TTC17: variants seen among roughly 807,000 people sequenced by gnomAD.
The protein encoded by TTC17 is tetratricopeptide repeat protein 17.
A neutral mutation model predicts 143.8 loss-of-function variants in TTC17; 58 were observed. The observed-to-expected ratio is 0.40, with a 90% confidence interval of 0.33 to 0.50. The LOEUF is 0.50. TTC17 is among the 20% of genes least tolerant of loss of function. The pLI is 0.49. For missense variants in TTC17, 1,273 were observed against 1,392.5 expected, an observed-to-expected ratio of 0.91 and a Z score of 1.37; for synonymous variants, 501 against 497.8, an observed-to-expected ratio of 1.01 and a Z score of -0.09.
intron 21 of TTC17, among the ~76,000 whole-genome samples, chr11:43,474,493 C>T (rs1361377838): frequency 1.3e-5 from 2 of 152,132 alleles, no homozygotes; most frequent in Admixed American, 6.5e-5. Flanking sequence ...ACTTTGAAAC[C>T]AAGTAAATAT....
chr11:43,487,952 T>C (rs1246488926), intron 21 of TTC17, among the ~76,000 whole-genome samples: 1 of 152,206 alleles, frequency 6.6e-6, no homozygotes, highest in Non-Finnish European at 1.5e-5. Flanking sequence ...AGGGCCCCAC[T>C]CTAATAGCCT....
In TTC17 at chr11:43,397,504, C is replaced by CT. The variant is rs145729116; in HGVS notation, c.918+16dup. On this transcript the variant is annotated intron_variant, in intron 7 of 23. Transcript: ENST00000039989. ...GAATATATATGCAGTAAGTACTACT[C>CT]TTTGTTTCATGAGTCATGCTAGTTG... 102 of 1,559,826 alleles carry CT rather than the reference C, an allele frequency of 6.5e-5. No individual in the cohort carries two copies. Among genetic ancestry groups the CT allele is most frequent in the Non-Finnish European group, 8.7e-5 (100 of 1,150,264 alleles).
At chr11:43,454,261 A>G (rs1421765833) in intron 21 of TTC17, among the ~76,000 whole-genome samples, 2 of 152,094 alleles carry the variant, frequency 1.3e-5, no homozygotes, top group Non-Finnish European at 2.9e-5. Flanking sequence ...TAATTTCCAT[A>G]CTGTTCATAG....
rs532173908 is a variant in TTC17 at position 43,484,896 on chromosome 11, C to G, written c.3031-5343C>G. The stretch of plus-strand genomic sequence containing the variant: ...CTATTTACAGCCACTCCCCATCGCT[C>G]GCATTACTGCCTGAGCTGTACATGC... On this transcript the variant is annotated intron_variant, in intron 21 of 23. Transcript: ENST00000039989. Among the ~76,000 whole-genome samples the G allele has an allele frequency of 1.2e-4, 18 of 152,070 alleles. No homozygotes were observed. In the South Asian group the frequency reaches 3.7e-3, roughly 32 times the overall value.
At chr11:43,374,516 A>G (rs1436662513) in intron 1 of TTC17, among the ~76,000 whole-genome samples, 2 of 152,180 alleles carry the variant, frequency 1.3e-5, no homozygotes, top group Non-Finnish European at 2.9e-5. Context: ...CAAACTATGC[A>G]TCCAACAAAG....
chr11:43,411,886 G>A (rs975377581), intron 15 of TTC17, among the ~76,000 whole-genome samples: 1 of 152,170 alleles, frequency 6.6e-6, no homozygotes, highest in African/African-American at 2.4e-5. Flanking sequence ...CTTGGTTACA[G>A]TGAGACATTT....
At chr11:43,493,496 TG>T (rs953545615) in intron 23 of TTC17, among the ~76,000 whole-genome samples, 2 of 152,150 alleles carry the variant, frequency 1.3e-5, no homozygotes, top group African/African-American at 4.8e-5. Flanking sequence ...TTACTGTTGC[TG>T]GGTTTGTAAA....
At chr11:43,396,976 A>G in intron 6 of TTC17, 158 bp downstream of exon 6, 1 of 477,614 alleles carries the variant, frequency 2.1e-6, no homozygotes, top group Admixed American at 3.7e-5. Context: ...AAAAAAAATC[A>G]CAGATCTCAA....
At chr11:43,437,048 A>G (rs866002226) in intron 16 of TTC17, among the ~76,000 whole-genome samples, 11 of 151,946 alleles carry the variant, frequency 7.2e-5, no homozygotes, top group East Asian at 1.9e-4. Context: ...GACTACACCA[A>G]TGTCTCCAGA....
intron 22 of TTC17, chr11:43,490,721 G>A (rs538270286): frequency 1.1e-4 from 17 of 155,026 alleles, no homozygotes; most frequent in Non-Finnish European, 2.3e-4. Flanking sequence ...TCAGGGGCCT[G>A]GTGACCTCTT....
At chr11:43,431,470 T>C (rs1481005054) in intron 16 of TTC17, among the ~76,000 whole-genome samples, 3 of 152,232 alleles carry the variant, frequency 2.0e-5, no homozygotes, top group African/African-American at 7.2e-5. Flanking sequence ...CCATTCTAAC[T>C]GGCGTGAGAT....
intron 21 of TTC17, among the ~76,000 whole-genome samples, chr11:43,467,732 C>T (rs1324155566): frequency 6.6e-6 from 1 of 152,060 alleles, no homozygotes; most frequent in African/African-American, 2.4e-5. Flanking sequence ...TAGGTCAAAA[C>T]AGGTTATTAG....
At chr11:43,426,868 G>A (rs540404299) in intron 16 of TTC17, among the ~76,000 whole-genome samples, 2 of 152,308 alleles carry the variant, frequency 1.3e-5, no homozygotes, top group African/African-American at 4.8e-5. Context: ...AGACAAGCCT[G>A]ATAAGCCCAA....
chr11:43,391,374 G>T, intron 3 of TTC17, 91 bp from the exon 4 acceptor site: 1 of 858,530 alleles, frequency 1.2e-6, no homozygotes, highest in South Asian at 1.5e-5. Context: ...ACTCCAGCCT[G>T]GGCAACAGAA....
chr11:43,490,053 T>C, intron 21 of TTC17, 186 bp from the exon 22 acceptor site: 2 of 642,994 alleles, frequency 3.1e-6, no homozygotes, highest in Non-Finnish European at 4.8e-6. Context: ...GTAATAGTAG[T>C]ATCAAGCTCA....
At chr11:43,493,603 C>T (rs745711196) in intron 23 of TTC17, among the ~76,000 whole-genome samples, 170 bp from the exon 24 acceptor site, 3 of 152,148 alleles carry the variant, frequency 2.0e-5, no homozygotes, top group Non-Finnish European at 4.4e-5. Flanking sequence ...ATGAAGGCAG[C>T]TGTTTCCTCC....
At chr11:43,388,680 CAT>C (rs920200557) in intron 2 of TTC17, among the ~76,000 whole-genome samples, 4 of 150,618 alleles carry the variant, frequency 2.7e-5, no homozygotes, top group African/African-American at 9.8e-5. Flanking sequence ...TTCTATAAAA[CAT>C]AGAAAAGTTG....
chr11:43,404,179 A>C, intron 11 of TTC17, 35 bp downstream of exon 11: 1 of 1,583,502 alleles, frequency 6.3e-7, no homozygotes, highest in Non-Finnish European at 8.6e-7. Context: ...CAGTTTTCTC[A>C]AACTGGCAAG....
chr11:43,429,304 G>C (rs956089984), intron 16 of TTC17, among the ~76,000 whole-genome samples: 3 of 152,208 alleles, frequency 2.0e-5, no homozygotes, highest in Non-Finnish European at 2.9e-5. Flanking sequence ...TAAGGCTGCA[G>C]CCAAGGCAGG....
Sources: gnomAD v4.1 joint callset for allele counts (sites outside exome capture counted in the v4.1 genomes callset) on GRCh38, gnomAD v4.1.1 for gene constraint, MANE v1.5 for transcripts, NCBI Gene and HGNC (gene_info 2026-07-23, HGNC 2026-07-21) for gene names.